ZNF610: variants seen among roughly 807,000 people sequenced by gnomAD.
The protein encoded by ZNF610 is zink finger protein.
Under a neutral mutation model 14.1 loss-of-function variants are expected in ZNF610, and 14 were observed. The observed-to-expected ratio is 0.99, with a 90% CI of 0.65 to 1.55. The LOEUF is 1.55. Among genes scored for constraint, ZNF610 ranks in the 40% most tolerant of loss-of-function variants. ZNF610 has a pLI of 0.00. For missense variants in ZNF610, 530 were observed against 558.0 expected, an observed-to-expected ratio of 0.95 and a Z score of 0.51; for synonymous variants, 185 against 187.6, an observed-to-expected ratio of 0.99 and a Z score of 0.11.
rs115659287 is a variant in ZNF610, at chr19:52,343,600, A to G, written c.-257-4107A>G. Among the ~76,000 whole-genome samples the G allele has an allele frequency of 7.0e-3, 1,073 of 152,242 alleles. 15 individuals carry two copies. Among genetic ancestry groups the G allele is most frequent in the African/African-American group, 0.024 (999 of 41,540 alleles). ...ATGTATTTGCTCAGTTAGGATGGAA[A>G]TAGGCCTGTATGGAAAGTACAGTTA... On this transcript the variant is annotated intron_variant, in intron 1 of 5. Coordinates refer to ENST00000403906, the MANE Select transcript of ZNF610 (RefSeq NM_001161425.2).
chr19:52,339,587 G>A (rs769096549), intron 1 of ZNF610, among the ~76,000 whole-genome samples: 1 of 147,024 alleles, frequency 6.8e-6, no homozygotes, highest in Non-Finnish European at 1.5e-5. Context: ...TGTTTCTGCG[G>A]GCACAGGGTT....
chr19:52,358,965 G>A (rs1985657620), intron 5 of ZNF610, among the ~76,000 whole-genome samples: 1 of 152,178 alleles, frequency 6.6e-6, no homozygotes, highest in South Asian at 2.1e-4. Context: ...AAATATTTGA[G>A]GGTTTGTTTC....
At chr19:52,357,632 G>C (rs1483456797) in intron 5 of ZNF610, among the ~76,000 whole-genome samples, 1 of 121,572 alleles carries the variant, frequency 8.2e-6, no homozygotes, top group Non-Finnish European at 1.6e-5. Flanking sequence ...GAGATAGAGC[G>C]AGCCTCCATC....
chr19:52,366,850 G>A lies in ZNF610; in HGVS notation c.*83G>A, dbSNP rs899275441. ...GAAAAACCTTACAAATATCATAAAT[G>A]TGGCAAAGAATTTAGTTTGCATTGA... is the stretch of plus-strand genomic sequence containing the variant. On this transcript the variant is annotated 3_prime_UTR_variant, in exon 6 of 6. Transcript: ENST00000403906. 19 of 1,138,306 alleles carry A rather than the reference G, an allele frequency of 1.7e-5. No homozygotes were observed. The African/African-American group carries it at 2.6e-4, about 16-fold the overall frequency. 70.5% of individuals were successfully genotyped at this position (1,138,306 alleles called of 1,614,324 possible). A position where few individuals can be genotyped will look rare whatever the true frequency, so the allele number is the denominator to read the frequency against.
chr19:52,353,251 T>C (rs762601658), intron 3 of ZNF610, among the ~76,000 whole-genome samples: 1 of 152,250 alleles, frequency 6.6e-6, no homozygotes, highest in Non-Finnish European at 1.5e-5. Context: ...ATTTGTTAAA[T>C]TAGTGTATAA....
At chr19:52,354,580 A>ATTTTTTTTTTTTTTTTTTTTTTT (rs201439857) in intron 5 of ZNF610, among the ~76,000 whole-genome samples, 1 of 123,588 alleles carries the variant, frequency 8.1e-6, no homozygotes. Flanking sequence ...AAGCCATACT[A>ATTTTTTTTTTTTTTTTTTTTTTT]TTTTTTTTTT....
chr19:52,339,819 C>T (rs1984587646), intron 1 of ZNF610, among the ~76,000 whole-genome samples: 1 of 152,208 alleles, frequency 6.6e-6, no homozygotes, highest in Non-Finnish European at 1.5e-5. Context: ...GTCACCATGC[C>T]TGGCTACTCT....
intron 5 of ZNF610, among the ~76,000 whole-genome samples, chr19:52,365,473 A>G (rs938496236): frequency 6.6e-6 from 1 of 152,068 alleles, no homozygotes; most frequent in Non-Finnish European, 1.5e-5. Context: ...TTCTGCCCTT[A>G]ATCTTTCTCA....
chr19:52,334,959 A>ACACACACACACACACACAC (rs60779202), upstream of ZNF610, among the ~76,000 whole-genome samples: 13 of 146,748 alleles, frequency 8.9e-5, no homozygotes, highest in South Asian at 6.4e-4. Flanking sequence ...ACACACACAC[A>ACACACACACACACACACAC]ATGTAATTTA....
chr19:52,355,871 C>T (rs1480863336), intron 5 of ZNF610, among the ~76,000 whole-genome samples: 3 of 152,184 alleles, frequency 2.0e-5, no homozygotes, highest in Non-Finnish European at 2.9e-5. Flanking sequence ...GCCCTCCAGG[C>T]GCCTGTGTGT....
At chr19:52,333,508 C>A (rs930350914), upstream of ZNF610, among the ~76,000 whole-genome samples, 1 of 152,202 alleles carries the variant, frequency 6.6e-6, no homozygotes, top group East Asian at 1.9e-4. Context: ...GGCTATGATT[C>A]TCTGCTAAGA....
chr19:52,348,833 A>T (rs1985093017), intron 2 of ZNF610, among the ~76,000 whole-genome samples: 1 of 151,968 alleles, frequency 6.6e-6, no homozygotes, highest in Non-Finnish European at 1.5e-5. Flanking sequence ...ATCCATAGAG[A>T]GGGGAGGAGG....
At chr19:52,359,637 A>G (rs1985684907) in intron 5 of ZNF610, among the ~76,000 whole-genome samples, 2 of 152,136 alleles carry the variant, frequency 1.3e-5, no homozygotes, top group African/African-American at 2.4e-5. Flanking sequence ...CACCACAACA[A>G]TCTGTCAAGA....
In ZNF610 at chr19:52,350,868, C is replaced by A. The variant is rs999581609; in HGVS notation, c.63+1633C>A. ...ACAGAAAATGAGTCGGGCATGGTGG[C>A]ACATGCCTGTAATCCCAGCTCCTTG... On this transcript the variant is annotated intron_variant, in intron 3 of 5. Transcript: ENST00000403906. 2.0e-5 allele frequency among the ~76,000 whole-genome samples: 3 copies of A among 150,540 alleles called. No homozygotes were observed. The East Asian group carries it at 6.0e-4, about 30-fold the overall frequency.
At chr19:52,334,739 T>G (rs966243530), upstream of ZNF610, among the ~76,000 whole-genome samples, 1 of 151,546 alleles carries the variant, frequency 6.6e-6, no homozygotes, top group African/African-American at 2.4e-5. Flanking sequence ...GACCAGCCTG[T>G]CCAACATGGT....
intron 5 of ZNF610, among the ~76,000 whole-genome samples, chr19:52,363,006 G>C (rs1985853817): frequency 6.6e-6 from 1 of 151,928 alleles, no homozygotes; most frequent in Non-Finnish European, 1.5e-5. Context: ...TTAAGGAGCA[G>C]GGAGTTTAAT....
upstream of ZNF610, among the ~76,000 whole-genome samples, chr19:52,334,936 A>AACACACACACACACACACACACACAC (rs559202600): frequency 0.042 from 1,744 of 41,548 alleles, 23 homozygotes; most frequent in Non-Finnish European, 0.05. Context: ...CTCAAAAACA[A>AACACACACACACACACACACACACAC]ACACACACAC....
chr19:52,345,736 G>A (rs1279900964), intron 1 of ZNF610, among the ~76,000 whole-genome samples: 2 of 151,302 alleles, frequency 1.3e-5, no homozygotes, highest in African/African-American at 4.9e-5. Context: ...ATGGAGTCTC[G>A]CTCTGTCGCC....
At chr19:52,354,719 C>T (rs1021312819) in intron 5 of ZNF610, among the ~76,000 whole-genome samples, 2 of 151,236 alleles carry the variant, frequency 1.3e-5, no homozygotes, top group South Asian at 4.2e-4. Context: ...GCTGAGATTA[C>T]AGGCATGTGT....
Sources: gnomAD v4.1 joint callset for allele counts (sites outside exome capture counted in the v4.1 genomes callset) on GRCh38, gnomAD v4.1.1 for gene constraint, MANE v1.5 for transcripts, NCBI Gene and HGNC (gene_info 2026-07-23, HGNC 2026-07-21) for gene names.